The following XRCC4 variants were observed in gnomAD, a reference collection of about 807,000 sequenced individuals.
The protein encoded by XRCC4 is X-ray repair cross complementing 4, also known as DNA repair protein XRCC4.
In XRCC4, 28 loss-of-function variants were observed where a neutral mutation model predicts 39.1. The observed-to-expected ratio is 0.72, with a 90% confidence interval of 0.53 to 0.98. The LOEUF is 0.98. Among genes scored for constraint, XRCC4 ranks in the 50% least tolerant of loss-of-function variants. XRCC4 has a pLI of 0.00. For synonymous variants in XRCC4, 123 were observed against 126.4 expected, an observed-to-expected ratio of 0.97 and a Z score of 0.18; for missense variants, 350 against 376.4, an observed-to-expected ratio of 0.93 and a Z score of 0.58.
At chr5:83,284,047 C>A in intron 7 of XRCC4, among the ~76,000 whole-genome samples, 3 of 77,150 alleles carry the variant, frequency 3.9e-5, no homozygotes, top group African/African-American at 5.7e-5. Context: ...TCTACCAACC[C>A]AGAGCAAAAA....
intron 3 of XRCC4, among the ~76,000 whole-genome samples, chr5:83,154,187 T>A (rs904080214): frequency 2.0e-5 from 3 of 152,218 alleles, no homozygotes; most frequent in African/African-American, 7.2e-5. Context: ...TTTTTGGTTT[T>A]ATTTTTTATC....
chr5:83,284,274 A>G (rs1177043331), intron 7 of XRCC4, among the ~76,000 whole-genome samples: 1 of 151,950 alleles, frequency 6.6e-6, no homozygotes, highest in Admixed American at 6.6e-5. Context: ...AACATATTAG[A>G]TCTATAACCA....
chr5:83,182,350 A>G (rs1476000645), intron 3 of XRCC4, among the ~76,000 whole-genome samples: 3 of 152,184 alleles, frequency 2.0e-5, no homozygotes, highest in Non-Finnish European at 4.4e-5. Context: ...AATATATAGT[A>G]TCCAACTCTT....
intron 7 of XRCC4, among the ~76,000 whole-genome samples, chr5:83,281,031 C>T (rs1406728675): frequency 6.6e-6 from 1 of 152,158 alleles, no homozygotes; most frequent in African/African-American, 2.4e-5. Context: ...AGAACATCCC[C>T]TGTATCTTAA....
the XRCC4 span, among the ~76,000 whole-genome samples, chr5:83,360,363 A>G: frequency 6.6e-6 from 1 of 152,278 alleles, no homozygotes; most frequent in African/African-American, 2.4e-5. Context: ...GAAATTTTTC[A>G]GAAACACCTA....
At chr5:83,092,486 C>T (rs1470915162) in intron 1 of XRCC4, among the ~76,000 whole-genome samples, 1 of 114,436 alleles carries the variant, frequency 8.7e-6, no homozygotes, top group East Asian at 2.0e-4. Flanking sequence ...TACTGATCAA[C>T]ATTCAGAATA....
chr5:83,283,134 C>A (rs541050283), intron 7 of XRCC4, among the ~76,000 whole-genome samples: 1 of 151,668 alleles, frequency 6.6e-6, no homozygotes, highest in South Asian at 2.1e-4. Context: ...AATTCTTCAG[C>A]TTACCATTTT....
chr5:83,267,048 A>G (rs1199176756), intron 7 of XRCC4, among the ~76,000 whole-genome samples: 1 of 152,170 alleles, frequency 6.6e-6, no homozygotes, highest in Non-Finnish European at 1.5e-5. Flanking sequence ...TAATATGTCT[A>G]GATTGTGCCA....
At chr5:83,267,039 A>C (rs926105891) in intron 7 of XRCC4, among the ~76,000 whole-genome samples, 2 of 152,170 alleles carry the variant, frequency 1.3e-5, no homozygotes, top group Non-Finnish European at 2.9e-5. Flanking sequence ...GGCTAACTAT[A>C]ATATGTCTAG....
chr5:83,089,109 C>T (rs752798408), intron 1 of XRCC4, among the ~76,000 whole-genome samples: 13 of 152,184 alleles, frequency 8.5e-5, no homozygotes, highest in Non-Finnish European at 1.3e-4. Context: ...TCAGACACTA[C>T]CCTTGTAGAA....
intron 7 of XRCC4, among the ~76,000 whole-genome samples, chr5:83,313,980 G>A (rs1755795493): frequency 6.6e-6 from 1 of 151,920 alleles, no homozygotes. Context: ...AGAATTTCTA[G>A]ACATCTTGTG....
chr5:83,277,604 A>G (rs1754380480), intron 7 of XRCC4, among the ~76,000 whole-genome samples: 1 of 152,194 alleles, frequency 6.6e-6, no homozygotes, highest in Admixed American at 6.5e-5. Context: ...GCACCATCAC[A>G]CTCCTATGTC....
At position 83,113,451 on chromosome 5, in the gene XRCC4, G is replaced by A. The variant is rs187016738; in HGVS notation, c.315+2248G>A. Among the ~76,000 whole-genome samples the A allele has an allele frequency of 5.6e-4, 85 of 152,198 alleles. 1 individual carries two copies. The Middle Eastern group carries it at 0.037, about 67-fold the overall frequency. ...GCTGTCGGTGGATCTACCATTCTGGGGTCTGCAGGAAAGTGGCCCTAATCT... is the reference window on the plus strand; with the variant it reads ...GCTGTCGGTGGATCTACCATTCTGGAGTCTGCAGGAAAGTGGCCCTAATCT... On this transcript the variant is annotated intron_variant, in intron 3 of 7. Coordinates refer to ENST00000396027, the MANE Select transcript of XRCC4 (RefSeq NM_003401.5).
intron 3 of XRCC4, among the ~76,000 whole-genome samples, chr5:83,129,488 A>G (rs1747451508): frequency 6.6e-6 from 1 of 152,088 alleles, no homozygotes; most frequent in Non-Finnish European, 1.5e-5. Flanking sequence ...TGAACTTTAA[A>G]GTAGTTTTTT....
chr5:83,306,188 A>G (rs1755477979), intron 7 of XRCC4, among the ~76,000 whole-genome samples: 1 of 152,160 alleles, frequency 6.6e-6, no homozygotes. Flanking sequence ...ACCTATGTGG[A>G]CTGATGCATA....
At chr5:83,290,863 A>C (rs1580471228) in intron 7 of XRCC4, among the ~76,000 whole-genome samples, 1 of 151,866 alleles carries the variant, frequency 6.6e-6, no homozygotes, top group African/African-American at 2.4e-5. Flanking sequence ...ACTCTTCCTT[A>C]GGCATTATAA....
At chr5:83,174,357 G>A (rs1028938187) in intron 3 of XRCC4, among the ~76,000 whole-genome samples, 3 of 151,970 alleles carry the variant, frequency 2.0e-5, no homozygotes, top group Admixed American at 6.6e-5. Context: ...TTGAAGAGTC[G>A]TTTTGTATCT....
chr5:83,242,658 C>A (rs192894884), intron 6 of XRCC4, among the ~76,000 whole-genome samples: 26 of 152,148 alleles, frequency 1.7e-4, no homozygotes, highest in Admixed American at 1.5e-3. Context: ...CTTCATTTAA[C>A]TCCAAATTTC....
chr5:83,097,482 C>T (rs1157050567), intron 1 of XRCC4, among the ~76,000 whole-genome samples: 12 of 151,380 alleles, frequency 7.9e-5, no homozygotes, highest in African/African-American at 2.9e-4. Context: ...GAAAAAAGTA[C>T]ATTGTTTATA....
Sources: allele counts gnomAD v4.1 joint callset (sites outside exome capture counted in the v4.1 genomes callset), GRCh38; gene constraint gnomAD v4.1.1; transcripts MANE v1.5; gene names NCBI Gene and HGNC (gene_info 2026-07-23, HGNC 2026-07-21).